Variants in KLHL2 observed in about 807,000 individuals in gnomAD.
The protein encoded by KLHL2 is kelch-like protein 2.
Under a neutral mutation model 75.8 loss-of-function variants are expected in KLHL2, and 15 were observed. That is an observed-to-expected ratio of 0.20 (90% CI 0.13 to 0.30). The LOEUF is 0.30. KLHL2 is among the 10% of genes least tolerant of loss of function. The pLI is 1.00. For synonymous variants in KLHL2, 214 were observed against 251.9 expected (o/e 0.85, Z 1.42); for missense variants, 381 against 741.0 (o/e 0.51, Z 5.64).
At chr4:165,253,609 A>G (rs547344428) in intron 4 of KLHL2, among the ~76,000 whole-genome samples, 1 of 152,346 alleles carries the variant, frequency 6.6e-6, no homozygotes, top group East Asian at 1.9e-4. Flanking sequence ...AAGTTATAAC[A>G]AATGTACACA....
Position 165,263,246 on chromosome 4 carries a change from CTTG to C in KLHL2, c.436_438del (p.Cys146del), listed in dbSNP as rs1741845277. 6.2e-7 allele frequency: 1 copy of C among 1,614,028 alleles called. No homozygotes were observed. Among genetic ancestry groups the C allele is most frequent in the Non-Finnish European group, 8.5e-7 (1 of 1,179,968 alleles). ...TTACAGTTACAGGATGTGAAGAAGA[CTTG>C]TTGTGAATTTTTGGAATCCCAGCTT... On this transcript the variant is annotated inframe_deletion, in exon 5 of 15. Transcript: ENST00000226725.
At chr4:165,298,360 G>A (rs187235566) in intron 7 of KLHL2, among the ~76,000 whole-genome samples, 28 of 152,002 alleles carry the variant, frequency 1.8e-4, no homozygotes, top group Admixed American at 9.8e-4. Flanking sequence ...ATTTTACTTC[G>A]TAATTTAATA....
At chr4:165,285,178 T>C (rs1300837687) in intron 5 of KLHL2, among the ~76,000 whole-genome samples, 1 of 152,168 alleles carries the variant, frequency 6.6e-6, no homozygotes, top group African/African-American at 2.4e-5. Context: ...TGTGAAAATT[T>C]TTGAGGTTAC....
intron 5 of KLHL2, among the ~76,000 whole-genome samples, chr4:165,264,356 A>G (rs1211625463): frequency 1.3e-5 from 2 of 151,338 alleles, no homozygotes. Context: ...GTAGTTTTTC[A>G]TCCATCACCA....
At chr4:165,254,454 C>T (rs986019657) in intron 4 of KLHL2, among the ~76,000 whole-genome samples, 9 of 152,038 alleles carry the variant, frequency 5.9e-5, no homozygotes, top group Non-Finnish European at 1.3e-4. Context: ...ACTTTTTTCT[C>T]AAGGTAGATT....
Position 165,211,959 on chromosome 4 carries a change from C to T in KLHL2, c.26+4057C>T, listed in dbSNP as rs567869279. Among the ~76,000 whole-genome samples the T allele has an allele frequency of 3.8e-3, 583 of 152,216 alleles. 3 individuals are homozygous for T. Among genetic ancestry groups the T allele is most frequent in the South Asian group, 0.022 (106 of 4,822 alleles). ...TAAGTTTACTCATCTATGGCTGTTACGGATTTACACTAGTAGTGCTTATGA... is the reference window on the plus strand; with the variant it reads ...TAAGTTTACTCATCTATGGCTGTTATGGATTTACACTAGTAGTGCTTATGA... On this transcript the variant is annotated intron_variant, in intron 1 of 14. Transcript: ENST00000226725.
intron 2 of KLHL2, among the ~76,000 whole-genome samples, chr4:165,221,752 C>T (rs2002048): frequency 1.3e-5 from 2 of 152,094 alleles, no homozygotes; most frequent in African/African-American, 2.4e-5. Context: ...TTTCTAGTAC[C>T]GCTTTGACAA....
chr4:165,289,450 AG>A (rs1025159119), intron 5 of KLHL2, among the ~76,000 whole-genome samples: 1 of 151,438 alleles, frequency 6.6e-6, no homozygotes, highest in African/African-American at 2.4e-5. Flanking sequence ...ACACAATGAA[AG>A]TTACTTTTAA....
rs982309230 is a variant in KLHL2, at chr4:165,291,353, AT to A, written c.545-2997del. ...AATTTTAATGAAGTCCAACTTAACC[AT>A]TTTTTTTTCATGGATAATACTTTTG... On this transcript the variant is annotated intron_variant, in intron 5 of 14. Transcript: ENST00000226725. Among the ~76,000 whole-genome samples the A allele has an allele frequency of 5.2e-4, 79 of 150,762 alleles. 1 individual carries two copies. The highest frequency in any genetic ancestry group is 8.0e-4 in the Non-Finnish European group (54 of 67,710).
In KLHL2 at chr4:165,257,448, A is replaced by G. The variant is rs111363759; in HGVS notation, c.382-5749A>G. 3.7e-3 allele frequency among the ~76,000 whole-genome samples: 557 copies of G among 152,318 alleles called. 4 individuals are homozygous for G. Among genetic ancestry groups the G allele is most frequent in the African/African-American group, 0.013 (539 of 41,574 alleles). On this transcript the variant is annotated intron_variant, in intron 4 of 14. Transcript: ENST00000226725. ...CTGCATGCTTCCAGACTGTGTGGGT[A>G]TGAGCCCAGTGCATCACTGAAGGCC...
chr4:165,311,371 G>C, intron 10 of KLHL2, 93 bp from the exon 11 acceptor site: 1 of 796,046 alleles, frequency 1.3e-6, no homozygotes, highest in Non-Finnish European at 2.0e-6. Flanking sequence ...CTTAATTTTA[G>C]CCCAGTATAA....
intron 2 of KLHL2, among the ~76,000 whole-genome samples, chr4:165,222,836 C>G (rs529699271): frequency 6.6e-6 from 1 of 152,210 alleles, no homozygotes; most frequent in African/African-American, 2.4e-5. Context: ...GTTCTCACCA[C>G]TCTGCCCTTG....
rs1427366016 is a variant in KLHL2, at chr4:165,322,903, A to G, written c.*843A>G. 2.0e-5 allele frequency: 3 copies of G among 152,542 alleles called. No individual in the cohort carries two copies. The highest frequency in any genetic ancestry group is 4.4e-5 in the Non-Finnish European group (3 of 67,996). 9.4% of individuals were successfully genotyped at this position (152,542 alleles called of 1,614,324 possible). On this transcript the variant is annotated 3_prime_UTR_variant, in exon 15 of 15. Transcript: ENST00000226725. The stretch of plus-strand genomic sequence containing the variant: ...TTTTTTCTTAAATTAACACTTTGGC[A>G]TGAACATTACTGCAGGTTTTTGATG...
At chr4:165,304,011 G>C (rs943997288) in intron 8 of KLHL2, among the ~76,000 whole-genome samples, 3 of 152,138 alleles carry the variant, frequency 2.0e-5, no homozygotes, top group Non-Finnish European at 4.4e-5. Context: ...CAGTAGCTGG[G>C]ATTACAGGTG....
chr4:165,311,847 T>TGTG (rs1746225745), intron 11 of KLHL2, among the ~76,000 whole-genome samples: 2 of 105,948 alleles, frequency 1.9e-5, no homozygotes, highest in Non-Finnish European at 4.7e-5. Context: ...GTGTGTGTGT[T>TGTG]TGACTTATAT....
At position 165,319,303 on chromosome 4, in the gene KLHL2, A is replaced by T. The variant is rs939364605; in HGVS notation, c.1753+1334A>T. 2.0e-5 allele frequency among the ~76,000 whole-genome samples: 3 copies of T among 152,286 alleles called. No individual in the cohort carries two copies. The East Asian group carries it at 5.8e-4, about 29-fold the overall frequency. On this transcript the variant is annotated intron_variant, in intron 14 of 14. Coordinates refer to ENST00000226725, the MANE Select transcript of KLHL2 (RefSeq NM_007246.4). The surrounding 1 kb of genome is among the most constrained non-coding windows in gnomAD (Gnocchi z 4.5). ...TATTTTTCATCATGTTTACTGCAAT[A>T]TCATAAACCTTGAATAATACCATGG... is the stretch of plus-strand genomic sequence containing the variant.
intron 9 of KLHL2, among the ~76,000 whole-genome samples, chr4:165,307,414 C>T (rs1430182861): frequency 6.6e-6 from 1 of 152,194 alleles, no homozygotes; most frequent in African/African-American, 2.4e-5. Context: ...TATTCTTTCC[C>T]CAATATTAAT....
chr4:165,275,098 A>ATTTAT (rs201930063), intron 5 of KLHL2, among the ~76,000 whole-genome samples: 49,701 of 146,512 alleles, frequency 0.34, 8,613 homozygotes, highest in South Asian at 0.49. Flanking sequence ...CTCCTGAAAG[A>ATTTAT]TTTATTTTAT....
chr4:165,276,189 T>C (rs1743078874), intron 5 of KLHL2, among the ~76,000 whole-genome samples: 1 of 152,136 alleles, frequency 6.6e-6, no homozygotes, highest in African/African-American at 2.4e-5. Context: ...TATTTTCCAT[T>C]CTTTGGCTCT....
Sources: gnomAD v4.1 joint callset for allele counts (sites outside exome capture counted in the v4.1 genomes callset) on GRCh38, gnomAD v4.1.1 for gene constraint, Gnocchi (gnomAD v3.1) non-coding constraint, MANE v1.5 for transcripts, NCBI Gene and HGNC (gene_info 2026-07-23, HGNC 2026-07-21) for gene names.